The following CASS4 variants were observed in gnomAD, a reference collection of about 807,000 sequenced individuals.
CASS4 encodes the protein Cas scaffold protein family member 4, also known as cas scaffolding protein family member 4.
Under a neutral mutation model 54.2 loss-of-function variants are expected in CASS4, and 22 were observed. The observed-to-expected ratio is 0.41, with a 90% confidence interval of 0.29 to 0.58. CASS4 has a LOEUF of 0.58. CASS4 is among the 20% of genes least tolerant of loss of function. The pLI is 0.36. For synonymous variants in CASS4, 409 were observed against 391.5 expected, an observed-to-expected ratio of 1.04 and a Z score of -0.53; for missense variants, 854 against 986.7, an observed-to-expected ratio of 0.87 and a Z score of 1.80.
chr20:56,429,696 TCTTTATCTGACTAACA>T (rs899888770), intron 1 of CASS4, among the ~76,000 whole-genome samples: 1 of 152,024 alleles, frequency 6.6e-6, no homozygotes, highest in Non-Finnish European at 1.5e-5. Context: ...GCCTGAATGC[TCTTTATCTGACTAACA>T]CTTTATCTGA....
chr20:56,451,234 C>T (rs991452206), intron 4 of CASS4, among the ~76,000 whole-genome samples: 10 of 152,058 alleles, frequency 6.6e-5, no homozygotes, highest in African/African-American at 1.4e-4. Context: ...GCAAAGGACC[C>T]GGGACAGTGC....
At chr20:56,446,133 C>T in intron 3 of CASS4, 132 bp downstream of exon 3, 1 of 599,012 alleles carries the variant, frequency 1.7e-6, no homozygotes, top group South Asian at 2.2e-5. Flanking sequence ...ATACACATCA[C>T]CACTCAGAGG....
chr20:56,441,236 T>C (rs1488288197), intron 2 of CASS4, among the ~76,000 whole-genome samples: 2 of 150,948 alleles, frequency 1.3e-5, no homozygotes. Context: ...TCAGGTGATC[T>C]GCCCACCTCA....
At chr20:56,420,960 A>C (rs1246510363) in intron 1 of CASS4, among the ~76,000 whole-genome samples, 2 of 152,236 alleles carry the variant, frequency 1.3e-5, no homozygotes, top group Non-Finnish European at 2.9e-5. Context: ...ATTGCAATAA[A>C]TTCACACCAA....
At chr20:56,421,135 G>T (rs2426626) in intron 1 of CASS4, among the ~76,000 whole-genome samples, 144,179 of 152,286 alleles carry the variant, frequency 0.95, 68,334 homozygotes, top group East Asian at 1. Context: ...GAATTCTTCC[G>T]GGTCAATCAA....
At chr20:56,413,502 A>T (rs780796158) in intron 1 of CASS4, among the ~76,000 whole-genome samples, 18 of 151,946 alleles carry the variant, frequency 1.2e-4, no homozygotes, top group Non-Finnish European at 2.4e-4. Context: ...AAAAAACCCC[A>T]TATCTACCAA....
At position 56,443,550 on chromosome 20, in the gene CASS4, T is replaced by C. The variant is rs554868342; in HGVS notation, c.460-2350T>C. Among the ~76,000 whole-genome samples, 115 of 147,902 alleles carry C rather than the reference T, an allele frequency of 7.8e-4. 2 individuals are homozygous for C. The South Asian group carries it at 0.023, about 30-fold the overall frequency. On this transcript the variant is annotated intron_variant, in intron 2 of 5. Coordinates refer to ENST00000679887, the MANE Select transcript of CASS4 (RefSeq NM_020356.4). ...GCTTGTCCACCTAGACCAATCAGCC[T>C]GAGACCATCAGGAACAAAGTCAGGT...
Position 56,458,871 on chromosome 20 carries a change from C to A in CASS4, c.*124C>A. On this transcript the variant is annotated 3_prime_UTR_variant, in exon 6 of 6. Coordinates refer to ENST00000679887, the MANE Select transcript of CASS4 (RefSeq NM_020356.4). ...CAATGAGCTGAAACAGACCTGGTGCCCAAAGCTGGTAGTACCAAGTGGCTA... is the reference window on the plus strand; with the variant it reads ...CAATGAGCTGAAACAGACCTGGTGCACAAAGCTGGTAGTACCAAGTGGCTA... The A allele has an allele frequency of 9.7e-7, 1 of 1,032,482 alleles. No homozygotes were observed. Among genetic ancestry groups the A allele is most frequent in the Non-Finnish European group, 1.4e-6 (1 of 725,156 alleles). The allele number at this position is 1,032,482 out of a possible 1,614,324, so 64.0% of individuals were successfully genotyped here. A position where few individuals can be genotyped will look rare whatever the true frequency, so the allele number is the denominator to read the frequency against.
At chr20:56,455,893 T>C (rs986419337) in intron 5 of CASS4, among the ~76,000 whole-genome samples, 1 of 151,988 alleles carries the variant, frequency 6.6e-6, no homozygotes, top group African/African-American at 2.4e-5. Flanking sequence ...ATCGCACCAC[T>C]GCACTCCAGC....
chr20:56,429,327 C>T (rs1299822558), intron 1 of CASS4, among the ~76,000 whole-genome samples: 2 of 152,168 alleles, frequency 1.3e-5, no homozygotes, highest in Non-Finnish European at 2.9e-5. Flanking sequence ...TTCTTCCAAG[C>T]ATCACCTCAA....
intron 1 of CASS4, among the ~76,000 whole-genome samples, chr20:56,433,897 T>C (rs563201662): frequency 6.6e-6 from 1 of 152,156 alleles, no homozygotes; most frequent in Non-Finnish European, 1.5e-5. Context: ...GAGTTAAAAG[T>C]GGGTACAGCA....
chr20:56,458,792 C>T lies in CASS4; in HGVS notation c.*45C>T, dbSNP rs766842414. 5 of 1,513,080 alleles carry T rather than the reference C, an allele frequency of 3.3e-6. No homozygotes were observed. In the Admixed American group the frequency reaches 8.1e-5, roughly 24 times the overall value. 93.7% of individuals were successfully genotyped at this position (1,513,080 alleles called of 1,614,324 possible). A position where few individuals can be genotyped will look rare whatever the true frequency, so the allele number is the denominator to read the frequency against. Reference sequence around the variant, plus strand: ...CTCCTCTGCTCACCTCTCAGCTTCACACCCACAACTTGTGCAACTCTGCCC... The same window carrying T: ...CTCCTCTGCTCACCTCTCAGCTTCATACCCACAACTTGTGCAACTCTGCCC... On this transcript the variant is annotated 3_prime_UTR_variant, in exon 6 of 6. Transcript: ENST00000679887.
At position 56,458,580 on chromosome 20, in the gene CASS4, G is replaced by A. The variant is rs747288992; in HGVS notation, c.2194G>A (p.Glu732Lys). The change falls in exon 6 of 6, where the codon GAG (glutamate) becomes AAG (lysine). Residue 732 changes from glutamate to lysine, a missense_variant. By Grantham distance (56) the Glu-to-Lys change is moderately conservative. Transcript: ENST00000679887. ...GACCCAGGAGAGGGACGTGCGCAACGAGATCCTCCGTGGCAGCAGTCACCT... is the reference window on the plus strand; with the variant it reads ...GACCCAGGAGAGGGACGTGCGCAACAAGATCCTCCGTGGCAGCAGTCACCT... ...METQERDVRN[E>K]ILRGSSHLCS... The A allele has an allele frequency of 3.1e-6, 5 of 1,613,936 alleles. No individual in the cohort carries two copies. Among genetic ancestry groups the A allele is most frequent in the Non-Finnish European group, 3.4e-6 (4 of 1,179,982 alleles).
At chr20:56,417,371 C>T (rs1979188939) in intron 1 of CASS4, among the ~76,000 whole-genome samples, 1 of 152,206 alleles carries the variant, frequency 6.6e-6, no homozygotes, top group Non-Finnish European at 1.5e-5. Flanking sequence ...CTGTTCCCCG[C>T]CTTGGATTCT....
intron 1 of CASS4, among the ~76,000 whole-genome samples, chr20:56,435,240 G>C (rs1434726891): frequency 6.6e-6 from 1 of 152,172 alleles, no homozygotes; most frequent in African/African-American, 2.4e-5. Context: ...ACAGAATAGA[G>C]ATATTAGGCA....
chr20:56,421,924 T>A (rs759641202), intron 1 of CASS4, among the ~76,000 whole-genome samples: 1 of 152,208 alleles, frequency 6.6e-6, no homozygotes, highest in Non-Finnish European at 1.5e-5. Flanking sequence ...CAGATGGCTT[T>A]CATGAACTAA....
rs201927658 is a variant in CASS4 at position 56,434,603 on chromosome 20, A to ATT, written c.37-2547_37-2546dup. ...AGGTGCACGCCACCACTCCCAGCTA[A>ATT]TTTTTTTTTTTTTTTGTATTTTTAG... On this transcript the variant is annotated intron_variant, in intron 1 of 5. Coordinates refer to ENST00000679887, the MANE Select transcript of CASS4 (RefSeq NM_020356.4). Among the ~76,000 whole-genome samples, 532 of 141,838 alleles carry ATT rather than the reference A, an allele frequency of 3.8e-3. 5 individuals are homozygous for ATT. The highest frequency in any genetic ancestry group is 0.024 in the East Asian group (118 of 4,852). 93.1% of individuals were successfully genotyped at this position (141,838 alleles called of 152,430 possible).
intron 1 of CASS4, among the ~76,000 whole-genome samples, chr20:56,415,634 G>A (rs1257168051): frequency 2.0e-5 from 3 of 152,190 alleles, no homozygotes; most frequent in Non-Finnish European, 4.4e-5. Flanking sequence ...AATGCTTCAA[G>A]GGGTCATGTC....
intron 1 of CASS4, among the ~76,000 whole-genome samples, chr20:56,436,609 G>GC (rs1406008080): frequency 2.0e-5 from 3 of 151,868 alleles, no homozygotes; most frequent in Non-Finnish European, 2.9e-5. Context: ...CCCACTATGT[G>GC]CGCTATGCTG....
Sources: allele counts gnomAD v4.1 joint callset (sites outside exome capture counted in the v4.1 genomes callset), GRCh38; gene constraint gnomAD v4.1.1; transcripts MANE v1.5; gene names NCBI Gene and HGNC (gene_info 2026-07-23, HGNC 2026-07-21).